Variants in UBE3A observed in about 807,000 individuals in gnomAD.
UBE3A encodes the protein ubiquitin protein ligase E3A.
UBE3A carries 6 observed loss-of-function variants against 83.4 expected under a neutral mutation model. The ratio of observed to expected loss-of-function variants is 0.07; its 90% CI spans 0.04 to 0.14. UBE3A has a LOEUF of 0.14. UBE3A is among the 10% of genes least tolerant of loss of function. The pLI is 1.00. For missense variants in UBE3A, 456 were observed against 1,036.1 expected (o/e 0.44, Z 7.69); for synonymous variants, 337 against 355.4 (o/e 0.95, Z 0.58).
intron 4 of UBE3A, among the ~76,000 whole-genome samples, chr15:25,404,748 C>T (rs1008306992): frequency 2.0e-5 from 3 of 152,116 alleles, no homozygotes; most frequent in African/African-American, 7.2e-5. Flanking sequence ...ATCTTATCTT[C>T]TTCATTTTCC....
chr15:25,391,807 T>C (rs7182619), intron 4 of UBE3A: 18,129 of 152,220 alleles, frequency 0.12, 1,160 homozygotes, highest in Middle Eastern at 0.23. Flanking sequence ...GTGTTTTCAC[T>C]GAAGCTTTTG....
intron 4 of UBE3A, among the ~76,000 whole-genome samples, chr15:25,385,857 T>C (rs552102856): frequency 2.1e-4 from 32 of 152,294 alleles, no homozygotes; most frequent in African/African-American, 7.2e-4. Flanking sequence ...TACCCAATTA[T>C]AGGGGGAGCC....
At chr15:25,422,227 A>T (rs2153158287) in intron 1 of UBE3A, among the ~76,000 whole-genome samples, 1 of 152,340 alleles carries the variant, frequency 6.6e-6, no homozygotes, top group Middle Eastern at 3.4e-3. Flanking sequence ...ATTCTAGAGT[A>T]GGAAAACTAA....
chr15:25,422,820 A>G (rs1890216388), intron 1 of UBE3A, among the ~76,000 whole-genome samples: 1 of 151,268 alleles, frequency 6.6e-6, no homozygotes, highest in Non-Finnish European at 1.5e-5. Flanking sequence ...ACCAAAAAAA[A>G]AAAAAAAAAC....
intron 4 of UBE3A, among the ~76,000 whole-genome samples, chr15:25,380,848 T>C (rs569031993): frequency 2.0e-5 from 3 of 152,358 alleles, no homozygotes; most frequent in East Asian, 3.9e-4. Flanking sequence ...TGAGACCTTC[T>C]AGTAAAAGTC....
chr15:25,375,686 G>A lies in UBE3A; in HGVS notation c.140C>T (p.Thr47Met), dbSNP rs778994586. 8.1e-6 allele frequency: 13 copies of A among 1,614,126 alleles called. No homozygotes were observed. Among genetic ancestry groups the A allele is most frequent in the Non-Finnish European group, 1.1e-5 (13 of 1,180,020 alleles). ...TGGACAGGAAGCACAAAACTCATTC[G>A]TGCAGGCTTCATTTCCACAGCCCTC... ...LTEGCGNEACTNEFCASCPTF... is the reference protein window; with the variant it reads ...LTEGCGNEACMNEFCASCPTF... The change falls in exon 5 of 13, where the codon ACG (threonine) becomes ATG (methionine). Residue 47 changes from threonine to methionine, a missense_variant. Transcript: ENST00000648336.
Position 25,338,232 on chromosome 15 carries a change from C to CAA in UBE3A, c.*903_*904dup, listed in dbSNP as rs1336163395. On this transcript the variant is annotated 3_prime_UTR_variant, in exon 13 of 13. Transcript: ENST00000648336. ...TCACATGCTTTTTGTTTATAATAAA[C>CAA]AAACAACAAACTTCCTAACTTTGTT... 1 of 151,980 alleles carries CAA rather than the reference C, an allele frequency of 6.6e-6. No homozygotes were observed. Among genetic ancestry groups the CAA allele is most frequent in the East Asian group, 1.9e-4 (1 of 5,184 alleles). The allele number at this position is 151,980 out of a possible 1,614,324, so 9.4% of individuals were successfully genotyped here. A position where few individuals can be genotyped will look rare whatever the true frequency, so the allele number is the denominator to read the frequency against.
chr15:25,398,771 T>TA (rs2086218460), intron 4 of UBE3A, among the ~76,000 whole-genome samples: 7 of 68,962 alleles, frequency 1.0e-4, no homozygotes, highest in African/African-American at 1.8e-4. Flanking sequence ...ATTCTTTTAT[T>TA]TATATATATA....
At chr15:25,368,001 T>C (rs949546923) in intron 6 of UBE3A, among the ~76,000 whole-genome samples, 3 of 152,064 alleles carry the variant, frequency 2.0e-5, no homozygotes, top group Non-Finnish European at 4.4e-5. Context: ...CCCATAATTT[T>C]ATTTATCAAT....
chr15:25,433,410 T>C lies in UBE3A; in HGVS notation c.-165+5079A>G, dbSNP rs1299899983. Among the ~76,000 whole-genome samples the C allele has an allele frequency of 3.3e-5, 5 of 152,054 alleles. No individual in the cohort carries two copies. The East Asian group carries it at 9.7e-4, about 30-fold the overall frequency. Reference sequence around the variant, plus strand: ...ACCGTGTTGGCCAGGATGGTCTCGATCTCCTGATCTCGTGATCCGCCCGCC... The same window carrying C: ...ACCGTGTTGGCCAGGATGGTCTCGACCTCCTGATCTCGTGATCCGCCCGCC... On this transcript the variant is annotated intron_variant, in intron 1 of 12. Coordinates refer to ENST00000648336, the MANE Select transcript of UBE3A (RefSeq NM_130839.5).
chr15:25,364,641 G>GTTTTTTT (rs1260418313), intron 6 of UBE3A, among the ~76,000 whole-genome samples: 11 of 132,498 alleles, frequency 8.3e-5, no homozygotes, highest in African/African-American at 3.4e-4. Context: ...GGTTTTTTTT[G>GTTTTTTT]TTTGTTTTTT....
rs1031500192 is a variant in UBE3A at position 25,381,151 on chromosome 15, T to C, written c.63-5388A>G. On this transcript the variant is annotated intron_variant, in intron 4 of 12. Transcript: ENST00000648336. ...TACGATAAAGCAATGTAAGTATTAA[T>C]GGCAGAATCTAGGTGGCAGGCATAT... Among the ~76,000 whole-genome samples, 6 of 152,236 alleles carry C rather than the reference T, an allele frequency of 3.9e-5. No homozygotes were observed. In the East Asian group the frequency reaches 1.2e-3, roughly 29 times the overall value.
At chr15:25,400,376 A>T (rs1043722942) in intron 4 of UBE3A, among the ~76,000 whole-genome samples, 1 of 152,216 alleles carries the variant, frequency 6.6e-6, no homozygotes, top group South Asian at 2.1e-4. Flanking sequence ...GTATACTTTA[A>T]ATCATTACTT....
chr15:25,418,823 G>C (rs549402442), intron 1 of UBE3A: 3 of 152,040 alleles, frequency 2.0e-5, no homozygotes, highest in Non-Finnish European at 4.4e-5. Flanking sequence ...TTGAATCTGA[G>C]TGAAATTAGT....
intron 4 of UBE3A, among the ~76,000 whole-genome samples, chr15:25,381,283 G>A (rs962819999): frequency 6.6e-6 from 1 of 152,090 alleles, no homozygotes; most frequent in East Asian, 1.9e-4. Flanking sequence ...CTAAAAAAAT[G>A]AATTTACAAG....
At chr15:25,361,016 TCTCACAGTAA>T in intron 6 of UBE3A, among the ~76,000 whole-genome samples, 1 of 152,196 alleles carries the variant, frequency 6.6e-6, no homozygotes, top group East Asian at 1.9e-4. Context: ...GTTTATGGTC[TCTCACAGTAA>T]GACTTAGTAT....
chr15:25,396,611 A>T (rs2085635217), intron 4 of UBE3A, among the ~76,000 whole-genome samples: 1 of 152,218 alleles, frequency 6.6e-6, no homozygotes. Context: ...CACTTATGAC[A>T]GAGCAAGACA....
chr15:25,426,792 A>T (rs997703033), intron 1 of UBE3A, among the ~76,000 whole-genome samples: 3 of 152,140 alleles, frequency 2.0e-5, no homozygotes, highest in Admixed American at 6.5e-5. Flanking sequence ...TCTTCTATTA[A>T]TGTCTTACAA....
intron 1 of UBE3A, among the ~76,000 whole-genome samples, chr15:25,427,454 T>C (rs561096458): frequency 1.3e-5 from 2 of 151,946 alleles, no homozygotes; most frequent in South Asian, 2.1e-4. Context: ...GCTCAGAAAG[T>C]AGACAGAACC....
Sources: gnomAD v4.1 joint callset for allele counts (sites outside exome capture counted in the v4.1 genomes callset) on GRCh38, gnomAD v4.1.1 for gene constraint, MANE v1.5 for transcripts, NCBI Gene and HGNC (gene_info 2026-07-23, HGNC 2026-07-21) for gene names.